MRC2: variants seen among roughly 807,000 people sequenced by gnomAD.
MRC2 encodes C-type mannose receptor 2.
A neutral mutation model predicts 206.2 loss-of-function variants in MRC2; 84 were observed. The observed-to-expected ratio is 0.41, with a 90% CI of 0.34 to 0.49. MRC2 has a LOEUF of 0.49. Among genes scored for constraint, MRC2 ranks in the 20% least tolerant of loss-of-function variants. MRC2 has a pLI of 0.31. For missense variants in MRC2, 1,676 were observed against 2,001.5 expected (o/e 0.84, Z 3.10); for synonymous variants, 798 against 800.0 (o/e 1.00, Z 0.04).
At chr17:62,632,297 G>T (rs1182883379) in intron 1 of MRC2, among the ~76,000 whole-genome samples, 1 of 152,088 alleles carries the variant, frequency 6.6e-6, no homozygotes, top group Non-Finnish European at 1.5e-5. Context: ...AATTCCACCG[G>T]TTGTTTCCCT....
Position 62,692,569 on chromosome 17 carries a change from C to T in MRC2, c.*118C>T, listed in dbSNP as rs1357236154. On this transcript the variant is annotated 3_prime_UTR_variant, in exon 30 of 30. Transcript: ENST00000303375. The surrounding 1 kb of genome is among the most constrained non-coding windows in gnomAD (Gnocchi z 4.2). ...CCTATGGAAGGGTGCCCTTGGGAGTCGCTGTTGGGAGCCGGAGCTGGGCAG... is the reference window on the plus strand; with the variant it reads ...CCTATGGAAGGGTGCCCTTGGGAGTTGCTGTTGGGAGCCGGAGCTGGGCAG... 2.6e-5 allele frequency: 28 copies of T among 1,072,902 alleles called. No individual in the cohort carries two copies. Among genetic ancestry groups the T allele is most frequent in the African/African-American group, 3.1e-5 (2 of 63,542 alleles). 66.5% of individuals were successfully genotyped at this position (1,072,902 alleles called of 1,614,324 possible).
rs1283552658 is a variant in MRC2, at chr17:62,666,344, G to A, written c.694+77G>A. ...TGGTGCTGAGGGGCCCCGGGGCCCA[G>A]GGTGAGATACTGCCCCCTCCCCTAC... On this transcript the variant is annotated intron_variant, in intron 3 of 29. Transcript: ENST00000303375. This position sits in a 1 kb window ranked among gnomAD's most constrained non-coding sequence, Gnocchi z 5.0. 1 of 1,570,780 alleles carries A rather than the reference G, an allele frequency of 6.4e-7. No individual in the cohort carries two copies. The highest frequency in any genetic ancestry group is 8.6e-7 in the Non-Finnish European group (1 of 1,161,660).
intron 1 of MRC2, among the ~76,000 whole-genome samples, chr17:62,638,200 G>A (rs907797534): frequency 6.6e-6 from 1 of 152,070 alleles, no homozygotes; most frequent in African/African-American, 2.4e-5. Context: ...TTGAAAATGA[G>A]AAAAGAAAGA....
chr17:62,643,979 T>C (rs548450135), intron 1 of MRC2, among the ~76,000 whole-genome samples: 2 of 152,300 alleles, frequency 1.3e-5, no homozygotes, highest in Admixed American at 6.5e-5. Context: ...ATTACATGTG[T>C]GTGTATATAT....
At chr17:62,679,633 G>C (rs2088935559) in intron 13 of MRC2, 167 bp from the exon 14 acceptor site, 1 of 575,752 alleles carries the variant, frequency 1.7e-6, no homozygotes, top group African/African-American at 1.9e-5. Flanking sequence ...GAACTTTACC[G>C]AAGTGACCTC....
chr17:62,679,995 T>C, intron 14 of MRC2, 93 bp downstream of exon 14: 3 of 1,458,926 alleles, frequency 2.1e-6, no homozygotes, highest in Non-Finnish European at 2.8e-6. Flanking sequence ...CGGGTTTTCT[T>C]GAGGGCCGGG....
chr17:62,627,704 C>T lies in MRC2; in HGVS notation c.-99C>T. The T allele has an allele frequency of 1.2e-6, 1 of 854,554 alleles. No homozygotes were observed. The highest frequency in any genetic ancestry group is 1.6e-6 in the Non-Finnish European group (1 of 620,258). The allele number at this position is 854,554 out of a possible 1,614,324, so 52.9% of individuals were successfully genotyped here. ...TCCCGACCCGGAGGAGGACGCGAGC[C>T]CCTTGCGGGCGGTCATCACAGCCCA... is the stretch of plus-strand genomic sequence containing the variant. On this transcript the variant is annotated 5_prime_UTR_variant, in exon 1 of 30. Transcript: ENST00000303375.
In MRC2 at chr17:62,681,885, A is replaced by T. The variant is rs1477312830; in HGVS notation, c.2751A>T (p.Lys917Asn). The change falls in exon 19 of 30, where the codon AAA (lysine) becomes AAT (asparagine). Residue 917 changes from lysine to asparagine, a missense_variant. Lys to Asn is a moderately conservative substitution (Grantham distance 94). Coordinates refer to ENST00000303375, the MANE Select transcript of MRC2 (RefSeq NM_006039.5). ...IINFISWAPG[K>N]PRPVGKDKKC... Reference sequence around the variant, plus strand: ...ACTTCATCTCCTGGGCACCAGGCAAACCTCGGCCTGTCGGCAAGGACAAGA... The same window carrying T: ...ACTTCATCTCCTGGGCACCAGGCAATCCTCGGCCTGTCGGCAAGGACAAGA... 3 of 1,613,932 alleles carry T rather than the reference A, an allele frequency of 1.9e-6. No individual in the cohort carries two copies. The highest frequency in any genetic ancestry group is 3.3e-5 in the Admixed American group (2 of 59,986).
intron 1 of MRC2, among the ~76,000 whole-genome samples, chr17:62,638,239 TAGAA>T (rs762754191): frequency 8.5e-5 from 13 of 152,120 alleles, no homozygotes; most frequent in Non-Finnish European, 7.4e-5. Context: ...TTTTTTTTAA[TAGAA>T]AGGCAATGAG....
intron 12 of MRC2, 51 bp from the exon 13 acceptor site, chr17:62,678,453 G>A: frequency 6.3e-7 from 1 of 1,589,144 alleles, no homozygotes; most frequent in African/African-American, 1.4e-5. Flanking sequence ...GGTGCCCCCT[G>A]AGGGGTGGGC....
At chr17:62,633,833 C>T (rs1362534720) in intron 1 of MRC2, among the ~76,000 whole-genome samples, 1 of 97,270 alleles carries the variant, frequency 1.0e-5, no homozygotes. Flanking sequence ...AGAGTGAGAC[C>T]CTGTCTCAAA....
At chr17:62,691,244 C>G in intron 28 of MRC2, 116 bp downstream of exon 28, 1 of 1,234,362 alleles carries the variant, frequency 8.1e-7, no homozygotes, top group South Asian at 1.5e-5. Flanking sequence ...AAGGCCTGAA[C>G]AGAACGGACT....
rs749373727 is a variant in MRC2, at chr17:62,691,141, C to T, written c.4192+13C>T. 20 of 1,588,614 alleles carry T rather than the reference C, an allele frequency of 1.3e-5. No individual in the cohort carries two copies. Among genetic ancestry groups the T allele is most frequent in the Non-Finnish European group, 1.7e-5 (20 of 1,170,622 alleles). ...AAGCTTCCTCGTGGTGAGCGCCGGG[C>T]AGGCCCACGCTCAGCCTCCTTCCAC... On this transcript the variant is annotated intron_variant, in intron 28 of 29. Coordinates refer to ENST00000303375, the MANE Select transcript of MRC2 (RefSeq NM_006039.5).
intron 2 of MRC2, among the ~76,000 whole-genome samples, chr17:62,665,345 C>T (rs112349346): frequency 3.3e-4 from 49 of 149,824 alleles, no homozygotes; most frequent in Admixed American, 2.7e-3. Context: ...AGAGGTTGCA[C>T]TGAGCTGAGA....
chr17:62,689,425 G>T (rs2465428), intron 23 of MRC2, 97 bp from the exon 24 acceptor site: 754,581 of 802,986 alleles, frequency 0.94, 360,040 homozygotes, highest in Non-Finnish European at 0.98. Flanking sequence ...GGTGGAGACC[G>T]GGTCTTTGCC....
chr17:62,676,614 C>T, intron 11 of MRC2, 83 bp downstream of exon 11: 2 of 1,497,902 alleles, frequency 1.3e-6, no homozygotes, highest in South Asian at 1.3e-5. Context: ...AGCCCCAGGG[C>T]TTCCCCATAA....
chr17:62,646,552 G>A (rs2088488257), intron 1 of MRC2, among the ~76,000 whole-genome samples: 1 of 152,226 alleles, frequency 6.6e-6, no homozygotes, highest in South Asian at 2.1e-4. Flanking sequence ...GTGGATCCCA[G>A]TCAGGGTGAA....
At chr17:62,632,882 G>A (rs772602726) in intron 1 of MRC2, among the ~76,000 whole-genome samples, 7 of 152,294 alleles carry the variant, frequency 4.6e-5, no homozygotes, top group South Asian at 2.1e-4. Flanking sequence ...GAAGGCAGCC[G>A]GGTGCGAGGC....
intron 2 of MRC2, 102 bp from the exon 3 acceptor site, chr17:62,665,992 C>T (rs2088748140): frequency 1.6e-6 from 2 of 1,278,814 alleles, no homozygotes. Context: ...CCTGTGAACA[C>T]CCAGCACTCT....
Sources: gnomAD v4.1 joint callset for allele counts (sites outside exome capture counted in the v4.1 genomes callset) on GRCh38, gnomAD v4.1.1 for gene constraint, Gnocchi (gnomAD v3.1) non-coding constraint, MANE v1.5 for transcripts, NCBI Gene and HGNC (gene_info 2026-07-23, HGNC 2026-07-21) for gene names.